CPM: variants seen among roughly 807,000 people sequenced by gnomAD.
CPM encodes renal carboxypeptidase.
A neutral mutation model predicts 46.4 loss-of-function variants in CPM; 35 were observed. The observed-to-expected ratio is 0.75, with a 90% CI of 0.58 to 1.00. CPM has a LOEUF of 1.00. Among genes scored for constraint, CPM ranks in the 50% least tolerant of loss-of-function variants. The pLI, the probability that CPM is intolerant of heterozygous loss-of-function variation, is 0.00. For synonymous variants in CPM, 195 were observed against 195.3 expected, an observed-to-expected ratio of 1.00 and a Z score of 0.01; for missense variants, 422 against 530.4, an observed-to-expected ratio of 0.80 and a Z score of 2.01.
chr12:68,920,988 C>A (rs1888017598), intron 2 of CPM, among the ~76,000 whole-genome samples: 1 of 151,954 alleles, frequency 6.6e-6, no homozygotes, highest in Non-Finnish European at 1.5e-5. Flanking sequence ...AGGCCTGAGC[C>A]ACTGTGCCTG....
Position 68,852,259 on chromosome 12 carries a change from A to T in CPM, c.*4178T>A, listed in dbSNP as rs1471037220. On this transcript the variant is annotated 3_prime_UTR_variant, in exon 9 of 9. Transcript: ENST00000551568. The stretch of plus-strand genomic sequence containing the variant: ...CACTGTCATTTATCTGCAGGGACTT[A>T]ATGTTTTTCTAAAATACTCTTTGCC... 1 of 152,246 alleles carries T rather than the reference A, an allele frequency of 6.6e-6. No homozygotes were observed. The highest frequency in any genetic ancestry group is 1.9e-4 in the East Asian group (1 of 5,206). 9.4% of individuals were successfully genotyped at this position (152,246 alleles called of 1,614,324 possible).
At chr12:68,946,257 G>A (rs1169721460) in intron 1 of CPM, among the ~76,000 whole-genome samples, 1 of 152,066 alleles carries the variant, frequency 6.6e-6, no homozygotes, top group Non-Finnish European at 1.5e-5. Flanking sequence ...ACAAATCATA[G>A]CAGGACCAAT....
chr12:68,955,896 C>A (rs1166427021), intron 1 of CPM, among the ~76,000 whole-genome samples: 1 of 152,076 alleles, frequency 6.6e-6, no homozygotes, highest in African/African-American at 2.4e-5. Flanking sequence ...ACCATAAGTT[C>A]TCATTCCAGT....
At chr12:68,899,317 T>A (rs1210432109) in intron 2 of CPM, among the ~76,000 whole-genome samples, 1 of 152,240 alleles carries the variant, frequency 6.6e-6, no homozygotes, top group African/African-American at 2.4e-5. Context: ...TCCCAGGCCC[T>A]AACAGCAGAG....
chr12:68,843,364 G>T (rs1341324994), intron 5 of CPM: 1 of 230,342 alleles, frequency 4.3e-6, no homozygotes, highest in Non-Finnish European at 8.6e-6. Flanking sequence ...ACAAATAAAT[G>T]ATATTTGAGC....
At chr12:68,849,897 G>C (rs1019066119), downstream of CPM, 4 of 152,344 alleles carry the variant, frequency 2.6e-5, no homozygotes, top group Admixed American at 1.3e-4. Context: ...ACAGATGTGA[G>C]TCACTACGCT....
At chr12:68,906,805 C>T (rs140001359) in intron 2 of CPM, among the ~76,000 whole-genome samples, 128 of 152,344 alleles carry the variant, frequency 8.4e-4, no homozygotes, top group Middle Eastern at 3.4e-3. Flanking sequence ...TTTGTGTAGA[C>T]AGCAGCCTCA....
At chr12:68,912,196 G>A (rs1275864470) in intron 2 of CPM, among the ~76,000 whole-genome samples, 9 of 152,096 alleles carry the variant, frequency 5.9e-5, no homozygotes, top group Non-Finnish European at 8.8e-5. Context: ...TAGTAGAGAC[G>A]GGGCTTCACC....
chr12:68,867,433 T>C (rs894114116), intron 6 of CPM, among the ~76,000 whole-genome samples: 11 of 152,268 alleles, frequency 7.2e-5, no homozygotes, highest in Non-Finnish European at 1.5e-4. Flanking sequence ...AAAATATTTC[T>C]ACAAATCATT....
intron 2 of CPM, among the ~76,000 whole-genome samples, chr12:68,908,316 C>T (rs1264611804): frequency 6.6e-6 from 1 of 151,886 alleles, no homozygotes; most frequent in Non-Finnish European, 1.5e-5. Context: ...TACCAGGATA[C>T]AAGGCCAACC....
chr12:68,947,910 C>T (rs1391795559), intron 1 of CPM, among the ~76,000 whole-genome samples: 1 of 152,090 alleles, frequency 6.6e-6, no homozygotes, highest in Admixed American at 6.5e-5. Context: ...GTCATAATTT[C>T]AACCCATTTC....
Position 68,898,599 on chromosome 12 carries a change from A to C in CPM, c.161-12710T>G, listed in dbSNP as rs138604809. Among the ~76,000 whole-genome samples the C allele has an allele frequency of 9.5e-3, 1,451 of 152,370 alleles. 14 individuals are homozygous for C. The highest frequency in any genetic ancestry group is 0.037 in the Middle Eastern group (11 of 294). ...GAGATTTAAATCTCAAAAATAGATC[A>C]GTAGTTTAGTAAAGACATCAAAACC... On this transcript the variant is annotated intron_variant, in intron 2 of 8. Coordinates refer to ENST00000551568, the MANE Select transcript of CPM (RefSeq NM_198320.5).
intron 2 of CPM, among the ~76,000 whole-genome samples, chr12:68,919,750 C>T (rs1887958074): frequency 6.6e-6 from 1 of 152,204 alleles, no homozygotes; most frequent in Non-Finnish European, 1.5e-5. Context: ...ACATGACAAA[C>T]CAGCTAGGCT....
chr12:68,925,414 C>T lies in CPM; in HGVS notation c.160+7264G>A, dbSNP rs533136500. ...GAATTTGAACTTGGGCAGGTGATTC[C>T]AAAGCCTGTGCTCAGATTTTTGCTG... On this transcript the variant is annotated intron_variant, in intron 2 of 8. Coordinates refer to ENST00000551568, the MANE Select transcript of CPM (RefSeq NM_198320.5). 2.0e-5 allele frequency among the ~76,000 whole-genome samples: 3 copies of T among 152,280 alleles called. No individual in the cohort carries two copies. The South Asian group carries it at 6.2e-4, about 32-fold the overall frequency.
chr12:68,930,816 TCACAAG>T (rs753465605), intron 2 of CPM, among the ~76,000 whole-genome samples: 11 of 152,248 alleles, frequency 7.2e-5, no homozygotes, highest in Non-Finnish European at 1.3e-4. Flanking sequence ...CCCCCAACTG[TCACAAG>T]CACATTGTGT....
chr12:68,897,821 G>A (rs1310816254), intron 2 of CPM, among the ~76,000 whole-genome samples: 1 of 150,464 alleles, frequency 6.6e-6, no homozygotes, highest in African/African-American at 2.4e-5. Context: ...TTTACAGTAT[G>A]TCATGGACAT....
chr12:68,943,255 C>T (rs1888792723), intron 1 of CPM, among the ~76,000 whole-genome samples: 1 of 152,276 alleles, frequency 6.6e-6, no homozygotes, highest in South Asian at 2.1e-4. Flanking sequence ...TGGGCTAACT[C>T]ATGGTATTGA....
chr12:68,887,026 G>A (rs1423738995), intron 2 of CPM, among the ~76,000 whole-genome samples: 1 of 152,122 alleles, frequency 6.6e-6, no homozygotes, highest in Non-Finnish European at 1.5e-5. Flanking sequence ...TCACACTGCC[G>A]ATCAGAGGCT....
At chr12:68,929,865 G>GA (rs569318437) in intron 2 of CPM, among the ~76,000 whole-genome samples, 52 of 151,994 alleles carry the variant, frequency 3.4e-4, no homozygotes, top group African/African-American at 1.1e-3. Context: ...AACATGAAAT[G>GA]AAAAAACAAG....
Sources: gnomAD v4.1 joint callset for allele counts (sites outside exome capture counted in the v4.1 genomes callset) on GRCh38, gnomAD v4.1.1 for gene constraint, MANE v1.5 for transcripts, NCBI Gene and HGNC (gene_info 2026-07-23, HGNC 2026-07-21) for gene names.